The following ABTB3 variants were observed in gnomAD, a reference collection of about 807,000 sequenced individuals.
ABTB3 encodes the protein ankyrin repeat and BTB domain containing 3.
the ABTB3 span, among the ~76,000 whole-genome samples, chr12:107,486,835 C>A: frequency 6.6e-6 from 1 of 151,572 alleles, no homozygotes; most frequent in Admixed American, 6.6e-5. Flanking sequence ...ACCATCACAG[C>A]AACCCTAAGT....
the ABTB3 span, among the ~76,000 whole-genome samples, chr12:107,345,518 G>T: frequency 1.3e-5 from 2 of 152,108 alleles, no homozygotes; most frequent in African/African-American, 4.8e-5. Context: ...GGGGATTATT[G>T]GTTCATGTAC....
chr12:107,550,799 T>C, the ABTB3 span, among the ~76,000 whole-genome samples: 1 of 152,072 alleles, frequency 6.6e-6, no homozygotes, highest in African/African-American at 2.4e-5. Flanking sequence ...GCTAGACTGG[T>C]CTCAAACTCC....
At chr12:107,392,681 A>G in the ABTB3 span, among the ~76,000 whole-genome samples, 1 of 152,154 alleles carries the variant, frequency 6.6e-6, no homozygotes, top group Non-Finnish European at 1.5e-5. Context: ...CCATGTTTCC[A>G]TAGCAATCAG....
the ABTB3 span, among the ~76,000 whole-genome samples, chr12:107,332,314 A>T: frequency 0.1 from 15,857 of 152,234 alleles, 954 homozygotes; most frequent in East Asian, 0.26. Context: ...GGTAAATCTG[A>T]CACATTCTGA....
chr12:107,547,412 G>A, the ABTB3 span, among the ~76,000 whole-genome samples: 1 of 152,118 alleles, frequency 6.6e-6, no homozygotes, highest in South Asian at 2.1e-4. Context: ...ATTACACAGT[G>A]TCCATTTTCC....
chr12:107,329,093 T>A, the ABTB3 span, among the ~76,000 whole-genome samples: 1 of 152,174 alleles, frequency 6.6e-6, no homozygotes, highest in African/African-American at 2.4e-5. Context: ...CCTGCCTAGC[T>A]GGGTGGGCTC....
chr12:107,448,456 T>C, the ABTB3 span, among the ~76,000 whole-genome samples: 2 of 152,132 alleles, frequency 1.3e-5, no homozygotes, highest in Non-Finnish European at 2.9e-5. Flanking sequence ...CTGAAAATGA[T>C]GCCCAGAAAG....
the ABTB3 span, among the ~76,000 whole-genome samples, chr12:107,534,698 G>A: frequency 1.3e-5 from 2 of 152,078 alleles, no homozygotes; most frequent in African/African-American, 2.4e-5. Flanking sequence ...TAGAGGAAAT[G>A]GATAAATTCC....
the ABTB3 span, among the ~76,000 whole-genome samples, chr12:107,328,474 A>G: frequency 2.0e-5 from 3 of 152,350 alleles, no homozygotes; most frequent in East Asian, 3.9e-4. Flanking sequence ...TAAAATGTCA[A>G]TCTGAATGAG....
chr12:107,443,493 C>CAG, the ABTB3 span, among the ~76,000 whole-genome samples: 2 of 151,842 alleles, frequency 1.3e-5, no homozygotes, highest in Non-Finnish European at 1.5e-5. Flanking sequence ...GTGTTCCAAG[C>CAG]AGAGAGAACA....
the ABTB3 span, among the ~76,000 whole-genome samples, chr12:107,408,663 G>A: frequency 1.3e-5 from 2 of 152,246 alleles, no homozygotes; most frequent in Non-Finnish European, 2.9e-5. Flanking sequence ...AAGCAGCAAA[G>A]CTAGCCTTGG....
At chr12:107,545,335 C>T in the ABTB3 span, among the ~76,000 whole-genome samples, 7 of 152,116 alleles carry the variant, frequency 4.6e-5, no homozygotes, top group East Asian at 1.9e-4. Context: ...CTCTGCCTCC[C>T]GGCTCAAGCG....
the ABTB3 span, among the ~76,000 whole-genome samples, chr12:107,588,191 T>C: frequency 4.6e-5 from 7 of 152,188 alleles, no homozygotes; most frequent in Non-Finnish European, 2.9e-5. Flanking sequence ...AATAGCCTCA[T>C]CTTAACTTGA....
the ABTB3 span, among the ~76,000 whole-genome samples, chr12:107,415,565 A>G: frequency 2.0e-5 from 3 of 151,812 alleles, no homozygotes; most frequent in African/African-American, 7.3e-5. Context: ...AAAATTAGCC[A>G]GGCATGGTGG....
the ABTB3 span, among the ~76,000 whole-genome samples, chr12:107,361,869 G>A: frequency 1.3e-5 from 2 of 152,078 alleles, no homozygotes; most frequent in African/African-American, 4.8e-5. Flanking sequence ...GCCTTTGGGA[G>A]GTAATTAGGT....
the ABTB3 span, among the ~76,000 whole-genome samples, chr12:107,562,434 T>G: frequency 6.6e-6 from 1 of 152,174 alleles, no homozygotes; most frequent in Non-Finnish European, 1.5e-5. Flanking sequence ...AGGAAAGATA[T>G]TGCCAGGCAG....
At chr12:107,607,429 T>C in the ABTB3 span, among the ~76,000 whole-genome samples, 1 of 152,282 alleles carries the variant, frequency 6.6e-6, no homozygotes, top group Middle Eastern at 3.4e-3. Flanking sequence ...GCCCTCTGTC[T>C]TCCCTGGGGA....
chr12:107,347,433 A>G, the ABTB3 span, among the ~76,000 whole-genome samples: 1 of 152,086 alleles, frequency 6.6e-6, no homozygotes, highest in East Asian at 1.9e-4. Context: ...TGCATCAGGA[A>G]CCCAGGAAGG....
chr12:107,563,541 A>G, the ABTB3 span, among the ~76,000 whole-genome samples: 1 of 152,170 alleles, frequency 6.6e-6, no homozygotes, highest in Non-Finnish European at 1.5e-5. Flanking sequence ...TCATGCCCCT[A>G]CAATTCATGT....
Sources: gnomAD v4.1 joint callset for allele counts (sites outside exome capture counted in the v4.1 genomes callset) on GRCh38, gnomAD v4.1.1 for gene constraint, MANE v1.5 for transcripts, NCBI Gene and HGNC (gene_info 2026-07-23, HGNC 2026-07-21) for gene names.